The following STK32A variants were observed in gnomAD, a reference collection of about 807,000 sequenced individuals.
STK32A encodes serine/threonine kinase 32A.
A neutral mutation model predicts 53.2 loss-of-function variants in STK32A; 41 were observed. The observed-to-expected ratio is 0.77, with a 90% CI of 0.60 to 1.00. STK32A has a LOEUF of 1.00. Ranked by LOEUF, STK32A falls within the 50% of genes least tolerant of loss-of-function variation. The probability of loss-of-function intolerance (pLI) is 0.00; values close to 1 mark genes in which losing one functional copy is unlikely to be tolerated. For synonymous variants in STK32A, 166 were observed against 162.8 expected (o/e 1.02, Z -0.15); for missense variants, 458 against 485.8 (o/e 0.94, Z 0.54).
intron 1 of STK32A, among the ~76,000 whole-genome samples, chr5:147,236,641 G>A (rs547883921): frequency 5.1e-4 from 78 of 152,324 alleles, no homozygotes; most frequent in African/African-American, 1.8e-3. Context: ...CGACCACCCA[G>A]TGGTTCCATC....
intron 8 of STK32A, among the ~76,000 whole-genome samples, chr5:147,363,811 T>G (rs1490789560): frequency 2.0e-5 from 3 of 152,196 alleles, no homozygotes; most frequent in Non-Finnish European, 4.4e-5. Flanking sequence ...ATCTTCAATT[T>G]CTGGTTGCTT....
intron 4 of STK32A, among the ~76,000 whole-genome samples, chr5:147,311,873 C>G (rs1336804079): frequency 6.6e-6 from 1 of 151,726 alleles, no homozygotes; most frequent in Non-Finnish European, 1.5e-5. Context: ...ATTGGGATTA[C>G]AAGCGTGAGT....
At chr5:147,242,160 C>A (rs1010816027) in intron 2 of STK32A, among the ~76,000 whole-genome samples, 4 of 152,096 alleles carry the variant, frequency 2.6e-5, no homozygotes, top group Non-Finnish European at 4.4e-5. Context: ...GCTTCTCAGC[C>A]CAATGAGATG....
At chr5:147,396,954 G>A in the STK32A span, among the ~76,000 whole-genome samples, 16 of 110,922 alleles carry the variant, frequency 1.4e-4, no homozygotes, top group Non-Finnish European at 2.3e-4. Flanking sequence ...TTATTTATAC[G>A]CATTTTTGTT....
rs543222690 is a variant in STK32A, at chr5:147,354,572, A to G, written c.562+3418A>G. ...TTAACAATGACTAATATTTCTTGAAATCTTTCCCTGGACCAGACAAGGTGT... is the reference window on the plus strand; with the variant it reads ...TTAACAATGACTAATATTTCTTGAAGTCTTTCCCTGGACCAGACAAGGTGT... On this transcript the variant is annotated intron_variant, in intron 7 of 12. Coordinates refer to ENST00000397936, the MANE Select transcript of STK32A (RefSeq NM_001112724.2). 1.3e-5 allele frequency among the ~76,000 whole-genome samples: 2 copies of G among 152,322 alleles called. 1 individual carries two copies. The highest frequency in any genetic ancestry group is 4.1e-4 in the South Asian group (2 of 4,824).
intron 11 of STK32A, among the ~76,000 whole-genome samples, chr5:147,377,479 C>A (rs1757278574): frequency 1.3e-5 from 2 of 151,944 alleles, no homozygotes; most frequent in Non-Finnish European, 2.9e-5. Flanking sequence ...TCTTTGTGTG[C>A]CTTGTGATTT....
intron 5 of STK32A, among the ~76,000 whole-genome samples, chr5:147,325,781 C>T (rs1754554633): frequency 6.6e-6 from 1 of 152,146 alleles, no homozygotes; most frequent in African/African-American, 2.4e-5. Context: ...TCTGGTCCCT[C>T]ATAGCTCTTT....
At chr5:147,388,846 G>A (rs1757732661), downstream of STK32A, among the ~76,000 whole-genome samples, 1 of 152,118 alleles carries the variant, frequency 6.6e-6, no homozygotes, top group Admixed American at 6.5e-5. Context: ...ATGCCTTTCA[G>A]ACTGCTGCAT....
intron 2 of STK32A, among the ~76,000 whole-genome samples, chr5:147,262,483 C>A (rs1754622758): frequency 6.6e-6 from 1 of 152,056 alleles, no homozygotes; most frequent in African/African-American, 2.4e-5. Context: ...TTATTGAGTG[C>A]CTACTAAACT....
intron 5 of STK32A, among the ~76,000 whole-genome samples, chr5:147,334,516 A>T (rs889758739): frequency 5.3e-5 from 8 of 152,160 alleles, no homozygotes; most frequent in Non-Finnish European, 1.0e-4. Context: ...GACTTTTTCC[A>T]TAATCATGAA....
Position 147,238,079 on chromosome 5 carries a change from TA to T in STK32A, c.-96-1459del, listed in dbSNP as rs569169415. On this transcript the variant is annotated intron_variant, in intron 1 of 12. Transcript: ENST00000397936. ...AATTACCTTATATACATTGTCTCATTATATGTATCCATGACCATATATGTGC... is the reference window on the plus strand; with the variant it reads ...AATTACCTTATATACATTGTCTCATTTATGTATCCATGACCATATATGTGC... Among the ~76,000 whole-genome samples, 3 of 152,382 alleles carry T rather than the reference TA, an allele frequency of 2.0e-5. No individual in the cohort carries two copies. In the East Asian group the frequency reaches 5.8e-4, roughly 29 times the overall value.
chr5:147,343,654 A>G (rs1473094335), intron 6 of STK32A, among the ~76,000 whole-genome samples: 1 of 152,182 alleles, frequency 6.6e-6, no homozygotes, highest in East Asian at 1.9e-4. Flanking sequence ...TATTGGTACA[A>G]TTTTTATGAG....
chr5:147,253,937 A>G (rs1266342496), intron 2 of STK32A, among the ~76,000 whole-genome samples: 1 of 152,226 alleles, frequency 6.6e-6, no homozygotes, highest in Non-Finnish European at 1.5e-5. Flanking sequence ...AATTCACAGC[A>G]GAAACTTTTT....
At chr5:147,348,165 C>T (rs1258848974) in intron 6 of STK32A, among the ~76,000 whole-genome samples, 1 of 152,110 alleles carries the variant, frequency 6.6e-6, no homozygotes, top group East Asian at 1.9e-4. Context: ...CCATAAATGA[C>T]TCATATATAA....
At chr5:147,346,732 A>G (rs1459820884) in intron 6 of STK32A, among the ~76,000 whole-genome samples, 1 of 152,162 alleles carries the variant, frequency 6.6e-6, no homozygotes, top group African/African-American at 2.4e-5. Context: ...TATCAATACC[A>G]TAGTGTCTAA....
intron 6 of STK32A, among the ~76,000 whole-genome samples, chr5:147,346,900 A>T (rs1351496074): frequency 6.6e-6 from 1 of 152,182 alleles, no homozygotes; most frequent in Non-Finnish European, 1.5e-5. Flanking sequence ...TCAGCGTAGG[A>T]GGTGAGAAAA....
intron 3 of STK32A, 24 bp from the exon 4 acceptor site, chr5:147,279,223 T>A: frequency 2.5e-6 from 4 of 1,591,640 alleles, no homozygotes; most frequent in Non-Finnish European, 2.6e-6. Flanking sequence ...CTAATCACTC[T>A]CTCACTCGGG....
intron 6 of STK32A, among the ~76,000 whole-genome samples, chr5:147,348,528 A>G (rs1424965796): frequency 6.6e-6 from 1 of 152,188 alleles, no homozygotes; most frequent in Admixed American, 6.5e-5. Flanking sequence ...TGGGCACTAC[A>G]TTGTAGGAAT....
At chr5:147,242,369 T>C (rs1753618844) in intron 2 of STK32A, among the ~76,000 whole-genome samples, 1 of 152,214 alleles carries the variant, frequency 6.6e-6, no homozygotes, top group Non-Finnish European at 1.5e-5. Context: ...TGCTCTGTCA[T>C]TGTGAACCCC....
Sources: gnomAD v4.1 joint callset for allele counts (sites outside exome capture counted in the v4.1 genomes callset) on GRCh38, gnomAD v4.1.1 for gene constraint, MANE v1.5 for transcripts, NCBI Gene and HGNC (gene_info 2026-07-23, HGNC 2026-07-21) for gene names.